Variants in GMEB1 observed in about 807,000 individuals in gnomAD.
GMEB1 encodes glucocorticoid modulatory element binding protein 1, also known as glucocorticoid modulatory element-binding protein 1.
Under a neutral mutation model 52.4 loss-of-function variants are expected in GMEB1, and 6 were observed. The ratio of observed to expected loss-of-function variants is 0.11; its 90% CI spans 0.06 to 0.23. The LOEUF is 0.23. Ranked by LOEUF, GMEB1 falls within the 10% of genes least tolerant of loss-of-function variation. GMEB1 has a pLI of 1.00. For missense variants in GMEB1, 486 were observed against 685.6 expected, an observed-to-expected ratio of 0.71 and a Z score of 3.25; for synonymous variants, 255 against 244.9, an observed-to-expected ratio of 1.04 and a Z score of -0.38.
chr1:28,691,503 G>T, intron 3 of GMEB1, 82 bp from the exon 4 acceptor site: 1 of 1,010,324 alleles, frequency 9.9e-7, no homozygotes. Context: ...GTCCCTTAGA[G>T]GAACCAGGAG....
At chr1:28,711,507 G>A (rs1270141936) in intron 9 of GMEB1, among the ~76,000 whole-genome samples, 2 of 152,096 alleles carry the variant, frequency 1.3e-5, no homozygotes, top group African/African-American at 2.4e-5. Context: ...AGGCTGGAGT[G>A]CAGTGGCACA....
intron 1 of GMEB1, among the ~76,000 whole-genome samples, chr1:28,672,942 C>T (rs1186132702): frequency 1.3e-5 from 2 of 151,876 alleles, no homozygotes; most frequent in African/African-American, 4.8e-5. Context: ...GTTGCCCAGG[C>T]TGGAGTGCAG....
chr1:28,715,919 C>T lies in GMEB1; in HGVS notation c.*1146C>T, dbSNP rs1005028434. 6.6e-6 allele frequency: 1 copy of T among 151,950 alleles called. No individual in the cohort carries two copies. Among genetic ancestry groups the T allele is most frequent in the African/African-American group, 2.4e-5 (1 of 41,342 alleles). The allele number at this position is 151,950 out of a possible 1,614,324, so 9.4% of individuals were successfully genotyped here. The stretch of plus-strand genomic sequence containing the variant: ...CCAGCCTGGCCAACATGGTGAAACC[C>T]CGTCTCTACTGAAAATACAAAAAAA... On this transcript the variant is annotated 3_prime_UTR_variant, in exon 10 of 10. Transcript: ENST00000373816.
At chr1:28,683,776 T>C (rs922939770) in intron 2 of GMEB1, 36 bp downstream of exon 2, 10 of 1,605,386 alleles carry the variant, frequency 6.2e-6, no homozygotes, top group Admixed American at 3.4e-5. Context: ...CTGAAGTATT[T>C]TGGGAAGCTT....
At chr1:28,695,535 A>G (rs1196707813) in intron 5 of GMEB1, among the ~76,000 whole-genome samples, 1 of 151,812 alleles carries the variant, frequency 6.6e-6, no homozygotes, top group Non-Finnish European at 1.5e-5. Flanking sequence ...CCCGGCCCAC[A>G]TCATTTTTTT....
At chr1:28,689,490 G>A (rs752611385) in intron 2 of GMEB1, among the ~76,000 whole-genome samples, 12 of 152,226 alleles carry the variant, frequency 7.9e-5, no homozygotes, top group South Asian at 2.1e-4. Context: ...TTAGTGGGGC[G>A]TGGTGGCGGG....
chr1:28,680,721 C>T (rs1013007544), intron 1 of GMEB1, among the ~76,000 whole-genome samples: 1 of 149,542 alleles, frequency 6.7e-6, no homozygotes, highest in Non-Finnish European at 1.5e-5. Context: ...GGGAACACAG[C>T]AAGACTCCAT....
Position 28,697,090 on chromosome 1 carries a change from G to T in GMEB1, c.598+6G>T, listed in dbSNP as rs767113973. 1.3e-6 allele frequency: 2 copies of T among 1,582,092 alleles called. No individual in the cohort carries two copies. Among genetic ancestry groups the T allele is most frequent in the Admixed American group, 1.7e-5 (1 of 57,838 alleles). On this transcript the variant is annotated splice_donor_region_variant and intron_variant, in intron 6 of 9. Coordinates refer to ENST00000373816, the MANE Select transcript of GMEB1 (RefSeq NM_001319674.2). ...GACACCCACTTCGGCTGATGGTAGGGGGTAGGAAACCACCTGAAAACCCAT... is the reference window on the plus strand; with the variant it reads ...GACACCCACTTCGGCTGATGGTAGGTGGTAGGAAACCACCTGAAAACCCAT...
intron 1 of GMEB1, among the ~76,000 whole-genome samples, chr1:28,670,153 T>TTTTATTTATTTATTTATTTATTTATTTA (rs71027286): frequency 5.0e-4 from 76 of 150,820 alleles, no homozygotes; most frequent in Admixed American, 3.9e-3. Context: ...TGGGGACCCT[T>TTTTATTTATTTATTTATTTATTTATTTA]TTTATTTATT....
In GMEB1 at chr1:28,668,849, G is replaced by A. The variant is rs1040226262; in HGVS notation, c.-31+10G>A. ...CCGCCCGACGGAGACGGTGAGGAGG[G>A]GGAGGGGTGGGCGCGCGGGCGCGGG... On this transcript the variant is annotated intron_variant, in intron 1 of 9. Coordinates refer to ENST00000373816, the MANE Select transcript of GMEB1 (RefSeq NM_001319674.2). 3 of 146,676 alleles carry A rather than the reference G, an allele frequency of 2.0e-5. No individual in the cohort carries two copies. The highest frequency in any genetic ancestry group is 4.5e-5 in the Non-Finnish European group (3 of 66,124). 9.1% of individuals were successfully genotyped at this position (146,676 alleles called of 1,614,324 possible).
chr1:28,704,129 G>T, intron 7 of GMEB1, 63 bp from the exon 8 acceptor site: 2 of 1,378,226 alleles, frequency 1.5e-6, no homozygotes, highest in Non-Finnish European at 9.9e-7. Flanking sequence ...ACGTTGTAGA[G>T]ATTTGCCTAA....
At chr1:28,694,674 G>GTT (rs963376728) in intron 5 of GMEB1, among the ~76,000 whole-genome samples, 1 of 144,760 alleles carries the variant, frequency 6.9e-6, no homozygotes, top group Non-Finnish European at 1.5e-5. Flanking sequence ...CTTAACATAG[G>GTT]TTTTTTTTTT....
At chr1:28,710,195 G>C (rs370476738) in intron 8 of GMEB1, among the ~76,000 whole-genome samples, 9 of 152,210 alleles carry the variant, frequency 5.9e-5, no homozygotes, top group South Asian at 4.2e-4. Context: ...GTAGAGACAG[G>C]GGTCTCACTA....
chr1:28,701,264 CTG>C (rs1670493508), intron 6 of GMEB1, among the ~76,000 whole-genome samples: 1 of 99,738 alleles, frequency 1.0e-5, no homozygotes, highest in African/African-American at 3.7e-5. Flanking sequence ...TGTTTAAAAG[CTG>C]TCTTTTTTTT....
intron 1 of GMEB1, among the ~76,000 whole-genome samples, chr1:28,679,616 G>C (rs1669305622): frequency 6.6e-6 from 1 of 151,976 alleles, no homozygotes; most frequent in Admixed American, 6.6e-5. Flanking sequence ...AGGTATTGTT[G>C]CTCCTCATAT....
intron 2 of GMEB1, 114 bp from the exon 3 acceptor site, chr1:28,689,990 A>T: frequency 1.5e-6 from 1 of 655,490 alleles, no homozygotes; most frequent in South Asian, 2.1e-5. Flanking sequence ...TATAAAGTAT[A>T]TTTATTTTAT....
At chr1:28,700,874 T>C (rs1670470009) in intron 6 of GMEB1, among the ~76,000 whole-genome samples, 1 of 152,148 alleles carries the variant, frequency 6.6e-6, no homozygotes, top group African/African-American at 2.4e-5. Flanking sequence ...TATTTACAGT[T>C]GGCCCTTGAA....
At chr1:28,689,977 A>T in intron 2 of GMEB1, 127 bp from the exon 3 acceptor site, 1 of 596,938 alleles carries the variant, frequency 1.7e-6, no homozygotes. Context: ...AACTAGTCAG[A>T]GTTATAAAGT....
At chr1:28,669,427 G>T (rs1342107386) in intron 1 of GMEB1, among the ~76,000 whole-genome samples, 1 of 152,156 alleles carries the variant, frequency 6.6e-6, no homozygotes. Flanking sequence ...CCCTCTCGGA[G>T]CCTTGGCGGG....
Sources: gnomAD v4.1 joint callset for allele counts (sites outside exome capture counted in the v4.1 genomes callset) on GRCh38, gnomAD v4.1.1 for gene constraint, MANE v1.5 for transcripts, NCBI Gene and HGNC (gene_info 2026-07-23, HGNC 2026-07-21) for gene names.